The following NUBPL variants were observed in gnomAD, a reference collection of about 807,000 sequenced individuals.
The protein encoded by NUBPL is iron-sulfur cluster transfer protein NUBPL.
A neutral mutation model predicts 45.7 loss-of-function variants in NUBPL; 31 were observed. The ratio of observed to expected loss-of-function variants is 0.68; its 90% CI spans 0.51 to 0.92. The LOEUF is 0.92. NUBPL is among the 40% of genes least tolerant of loss of function. NUBPL has a pLI of 0.00. For missense variants in NUBPL, 401 were observed against 398.7 expected (o/e 1.01, Z -0.05); for synonymous variants, 144 against 140.9 (o/e 1.02, Z -0.15).
At chr14:31,633,228 T>C (rs896516700) in intron 4 of NUBPL, among the ~76,000 whole-genome samples, 1 of 152,202 alleles carries the variant, frequency 6.6e-6, no homozygotes, top group Non-Finnish European at 1.5e-5. Flanking sequence ...AGCAGTATCT[T>C]CAAACCACCT....
intron 6 of NUBPL, 107 bp downstream of exon 6, chr14:31,673,681 A>G: frequency 4.2e-6 from 4 of 951,072 alleles, no homozygotes; most frequent in Non-Finnish European, 6.8e-6. Context: ...AGTTGATGGG[A>G]TGAATGTATA....
chr14:31,617,705 G>A (rs952637490), intron 4 of NUBPL, among the ~76,000 whole-genome samples: 4 of 152,120 alleles, frequency 2.6e-5, no homozygotes, highest in Admixed American at 2.6e-4. Context: ...ATTTCACATC[G>A]ATGTTCATCG....
chr14:31,571,491 C>G (rs541003276), intron 3 of NUBPL, among the ~76,000 whole-genome samples: 1 of 151,930 alleles, frequency 6.6e-6, no homozygotes, highest in African/African-American at 2.4e-5. Flanking sequence ...ACTCTGTTGC[C>G]CAGGCTGGAG....
intron 10 of NUBPL, among the ~76,000 whole-genome samples, chr14:31,850,843 G>A (rs578229859): frequency 6.6e-5 from 10 of 151,706 alleles, no homozygotes; most frequent in Admixed American, 2.0e-4. Context: ...GGTTGGTCTC[G>A]AACTCCTGGA....
chr14:31,713,653 C>G (rs1437445777), intron 6 of NUBPL, among the ~76,000 whole-genome samples: 1 of 152,248 alleles, frequency 6.6e-6, no homozygotes, highest in South Asian at 2.1e-4. Flanking sequence ...CTCAACAACC[C>G]GTAGGAAATT....
intron 4 of NUBPL, 126 bp downstream of exon 4, chr14:31,599,505 T>A: frequency 1.5e-6 from 1 of 671,272 alleles, no homozygotes; most frequent in Non-Finnish European, 2.5e-6. Context: ...CTCACTTAAG[T>A]TAGTAGATTC....
intron 7 of NUBPL, among the ~76,000 whole-genome samples, chr14:31,819,482 G>A (rs1378884025): frequency 6.6e-6 from 1 of 152,122 alleles, no homozygotes; most frequent in East Asian, 1.9e-4. Flanking sequence ...TCAAGCAAGA[G>A]AATTAGATAC....
intron 6 of NUBPL, among the ~76,000 whole-genome samples, chr14:31,691,688 C>T (rs903915704): frequency 6.6e-6 from 1 of 152,002 alleles, no homozygotes; most frequent in Non-Finnish European, 1.5e-5. Flanking sequence ...GTGGCAGGCT[C>T]GTGAGTAGTG....
intron 8 of NUBPL, among the ~76,000 whole-genome samples, chr14:31,836,665 A>C (rs1284294911): frequency 6.6e-6 from 1 of 152,192 alleles, no homozygotes; most frequent in Non-Finnish European, 1.5e-5. Context: ...CTGTTAAGTG[A>C]ACTTGAGCAG....
At chr14:31,645,744 A>G (rs567748387) in intron 4 of NUBPL, among the ~76,000 whole-genome samples, 9 of 151,958 alleles carry the variant, frequency 5.9e-5, no homozygotes, top group African/African-American at 2.2e-4. Flanking sequence ...AGAAACAAAT[A>G]AAGAATTTTT....
chr14:31,619,756 T>C (rs1242841319), intron 4 of NUBPL, among the ~76,000 whole-genome samples: 2 of 152,176 alleles, frequency 1.3e-5, no homozygotes. Context: ...CCTACGATTA[T>C]GTGCCTTAGG....
chr14:31,838,586 G>A (rs902092541), intron 8 of NUBPL, among the ~76,000 whole-genome samples: 38 of 152,120 alleles, frequency 2.5e-4, no homozygotes, highest in Admixed American at 2.0e-4. Flanking sequence ...GTGTTTGGAG[G>A]ATATATAGGG....
chr14:31,693,262 A>G (rs1430338302), intron 6 of NUBPL, among the ~76,000 whole-genome samples: 6 of 152,158 alleles, frequency 3.9e-5, no homozygotes, highest in Admixed American at 6.5e-5. Context: ...AATCCTTCTA[A>G]TTTGAAAGTA....
At chr14:31,779,639 G>A (rs1157389614) in intron 6 of NUBPL, among the ~76,000 whole-genome samples, 1 of 152,180 alleles carries the variant, frequency 6.6e-6, no homozygotes, top group Non-Finnish European at 1.5e-5. Flanking sequence ...TGAAAAGAGG[G>A]CTGAGGGACT....
intron 3 of NUBPL, among the ~76,000 whole-genome samples, chr14:31,573,494 A>G (rs1406858874): frequency 6.6e-6 from 1 of 152,204 alleles, no homozygotes; most frequent in Admixed American, 6.5e-5. Context: ...CAGCATGTGT[A>G]AAACCAAACT....
At chr14:31,564,786 T>C (rs1004139174) in intron 2 of NUBPL, among the ~76,000 whole-genome samples, 3 of 152,158 alleles carry the variant, frequency 2.0e-5, no homozygotes, top group African/African-American at 7.2e-5. Flanking sequence ...TCTATTGCAT[T>C]TATTGGCAAA....
Position 31,652,023 on chromosome 14 carries a change from A to G in NUBPL, c.383-21332A>G, listed in dbSNP as rs146332012. On this transcript the variant is annotated intron_variant, in intron 4 of 10. Coordinates refer to ENST00000281081, the MANE Select transcript of NUBPL (RefSeq NM_025152.3). The stretch of plus-strand genomic sequence containing the variant: ...GCTCAACATCACTAAGTGTCCATCA[A>G]TGAATGAATGGATAAAGAAAATGTG... Among the ~76,000 whole-genome samples, 325 of 152,330 alleles carry G rather than the reference A, an allele frequency of 2.1e-3. 1 individual carries two copies. The highest frequency in any genetic ancestry group is 7.3e-3 in the African/African-American group (305 of 41,572).
At chr14:31,814,280 A>G (rs111371041) in intron 7 of NUBPL, among the ~76,000 whole-genome samples, 9,589 of 152,222 alleles carry the variant, frequency 0.063, 412 homozygotes, top group Non-Finnish European at 0.092. Flanking sequence ...TTCTCTAATG[A>G]CCAGTGATGT....
intron 3 of NUBPL, among the ~76,000 whole-genome samples, chr14:31,566,455 A>G (rs1001432086): frequency 1.3e-5 from 2 of 152,112 alleles, no homozygotes; most frequent in African/African-American, 4.8e-5. Flanking sequence ...ATTTTTTCTT[A>G]AAAAATTTTT....
Sources: allele counts gnomAD v4.1 joint callset (sites outside exome capture counted in the v4.1 genomes callset), GRCh38; gene constraint gnomAD v4.1.1; transcripts MANE v1.5; gene names NCBI Gene and HGNC (gene_info 2026-07-23, HGNC 2026-07-21).